SETDB2: variants seen among roughly 807,000 people sequenced by gnomAD.
SETDB2 encodes SET domain bifurcated histone lysine methyltransferase 2.
Under a neutral mutation model 82.5 loss-of-function variants are expected in SETDB2, and 56 were observed. That is an observed-to-expected ratio of 0.68 (90% confidence interval 0.55 to 0.85). SETDB2 has a LOEUF of 0.85. Among genes scored for constraint, SETDB2 ranks in the 40% least tolerant of loss-of-function variants. SETDB2 has a pLI of 0.00. For missense variants in SETDB2, 677 were observed against 816.4 expected (o/e 0.83, Z 2.08); for synonymous variants, 272 against 284.9 (o/e 0.95, Z 0.46).
intron 5 of SETDB2, among the ~76,000 whole-genome samples, chr13:49,473,685 A>G (rs1958295961): frequency 6.6e-6 from 1 of 152,180 alleles, no homozygotes; most frequent in Non-Finnish European, 1.5e-5. Flanking sequence ...ACAGTTTACT[A>G]TCTCTATAAA....
intron 5 of SETDB2, among the ~76,000 whole-genome samples, chr13:49,472,600 T>C (rs1958272859): frequency 6.6e-6 from 1 of 152,184 alleles, no homozygotes; most frequent in Admixed American, 6.5e-5. Flanking sequence ...GTAATGTATC[T>C]TCACACCTAA....
chr13:49,459,833 T>G, intron 2 of SETDB2: 1 of 285,970 alleles, frequency 3.5e-6, no homozygotes, highest in Non-Finnish European at 6.5e-6. Flanking sequence ...CACTCTCCAG[T>G]GAAGTCTTCC....
rs541793002 is a variant in SETDB2 at position 49,447,485 on chromosome 13, G to T, written c.-342+2628G>T. On this transcript the variant is annotated intron_variant, in intron 1 of 13. Transcript: ENST00000611815. ...AAAATTCTCCGAATGTTTCATCATT[G>T]AGTATGATGTTTGCTGTCATTGAGT... is the stretch of plus-strand genomic sequence containing the variant. Among the ~76,000 whole-genome samples, 17 of 152,188 alleles carry T rather than the reference G, an allele frequency of 1.1e-4. No individual in the cohort carries two copies. In the South Asian group the frequency reaches 3.5e-3, roughly 32 times the overall value.
At chr13:49,486,026 G>A (rs1018283239) in intron 11 of SETDB2, among the ~76,000 whole-genome samples, 2 of 151,460 alleles carry the variant, frequency 1.3e-5, no homozygotes, top group South Asian at 4.1e-4. Context: ...TTAGTGTCCA[G>A]AAATAAAGTT....
chr13:49,487,629 A>G (rs546361100), intron 11 of SETDB2, among the ~76,000 whole-genome samples: 25 of 152,346 alleles, frequency 1.6e-4, no homozygotes, highest in Non-Finnish European at 2.6e-4. Flanking sequence ...GGCATGAGCC[A>G]CCATGCCCAG....
intron 11 of SETDB2, among the ~76,000 whole-genome samples, chr13:49,487,133 T>G (rs1958612945): frequency 6.6e-6 from 1 of 152,168 alleles, no homozygotes; most frequent in Admixed American, 6.6e-5. Flanking sequence ...AAAGTTGTAT[T>G]ATGGCTTACA....
chr13:49,484,429 C>G (rs1409873802), intron 10 of SETDB2, among the ~76,000 whole-genome samples: 1 of 152,104 alleles, frequency 6.6e-6, no homozygotes, highest in Non-Finnish European at 1.5e-5. Flanking sequence ...GCCACCATGC[C>G]CAGCTACTTT....
rs1344465436 is a variant in SETDB2 at position 49,494,102 on chromosome 13, C to T, written c.*2253C>T. ...TTCAGCTCTGTCTTCTTGCTAGGAC[C>T]TTTTCCTAGGAGCATTTCTCAATTT... On this transcript the variant is annotated 3_prime_UTR_variant, in exon 14 of 14. Transcript: ENST00000611815. 2.6e-5 allele frequency: 4 copies of T among 152,142 alleles called. No homozygotes were observed. The highest frequency in any genetic ancestry group is 5.9e-5 in the Non-Finnish European group (4 of 68,024). The allele number at this position is 152,142 out of a possible 1,614,324, so 9.4% of individuals were successfully genotyped here.
At chr13:49,465,991 C>G (rs1244364688) in intron 4 of SETDB2, among the ~76,000 whole-genome samples, 1 of 152,172 alleles carries the variant, frequency 6.6e-6, no homozygotes, top group African/African-American at 2.4e-5. Context: ...AACAGGATTA[C>G]AGCATTTTTG....
At chr13:49,489,585 T>A (rs1294785664) in intron 12 of SETDB2, among the ~76,000 whole-genome samples, 5 of 137,606 alleles carry the variant, frequency 3.6e-5, no homozygotes, top group African/African-American at 1.4e-4. Context: ...CTGTAGGTCA[T>A]CATATTTATT....
chr13:49,486,210 T>C (rs537188037), intron 11 of SETDB2, among the ~76,000 whole-genome samples: 20 of 151,054 alleles, frequency 1.3e-4, no homozygotes, highest in African/African-American at 4.9e-4. Flanking sequence ...GGGGCTGAGG[T>C]GGGAGGATTG....
intron 1 of SETDB2, among the ~76,000 whole-genome samples, chr13:49,448,310 A>G (rs1957729860): frequency 6.6e-6 from 1 of 152,174 alleles, no homozygotes; most frequent in African/African-American, 2.4e-5. Flanking sequence ...AAATCTCTTC[A>G]GTAGCTAGAG....
intron 2 of SETDB2, among the ~76,000 whole-genome samples, chr13:49,453,526 G>A (rs984380359): frequency 6.6e-6 from 1 of 152,048 alleles, no homozygotes; most frequent in Non-Finnish European, 1.5e-5. Context: ...TCGAACTCCT[G>A]ACCTCAAGTG....
Position 49,488,312 on chromosome 13 carries a change from T to A in SETDB2, c.1599T>A (p.Val533=). The A allele has an allele frequency of 6.3e-7, 1 of 1,592,194 alleles. No individual in the cohort carries two copies. Among genetic ancestry groups the A allele is most frequent in the Non-Finnish European group, 8.5e-7 (1 of 1,173,904 alleles). The change falls in exon 12 of 14, where the codon GTT becomes GTA. Residue 533 remains valine, a synonymous_variant. Coordinates refer to ENST00000611815, the MANE Select transcript of SETDB2 (RefSeq NM_001160308.3). Reference sequence around the variant, plus strand: ...TAGAGGACTCAAGTTCAAACCATGTTGATGAGTTTGAAGATAATCTGCTGA... The same window carrying A: ...TAGAGGACTCAAGTTCAAACCATGTAGATGAGTTTGAAGATAATCTGCTGA... The part of the protein sequence containing the change: ...GAQKDSSSNH[V]DEFEDNLLIE...
chr13:49,445,546 T>A (rs1411553844), intron 1 of SETDB2: 2 of 152,168 alleles, frequency 1.3e-5, no homozygotes, highest in African/African-American at 4.8e-5. Flanking sequence ...TTTATTGTAT[T>A]TTGCAGATTT....
intron 1 of SETDB2, among the ~76,000 whole-genome samples, chr13:49,446,621 T>C (rs1957695738): frequency 6.6e-6 from 1 of 152,246 alleles, no homozygotes; most frequent in Non-Finnish European, 1.5e-5. Flanking sequence ...TATAGCTCAT[T>C]ATGTTATTTA....
chr13:49,488,575 G>A lies in SETDB2; in HGVS notation c.1862G>A (p.Gly621Glu). ...GATTCTCTAACAAAGTTCAATAAAGGGAATGTGTTTTTATTGGATGCCACA... is the reference window on the plus strand; with the variant it reads ...GATTCTCTAACAAAGTTCAATAAAGAGAATGTGTTTTTATTGGATGCCACA... ...SSDSLTKFNKGNVFLLDATKE... is the reference protein window; with the variant it reads ...SSDSLTKFNKENVFLLDATKE... Residue 621 changes from glycine to glutamate, a missense_variant, in exon 12 of 14, where the codon GGG becomes GAG. Gly to Glu is a moderately conservative substitution (Grantham distance 98, BLOSUM62 -2). This residue lies in a region of SETDB2 where 420 missense variants were observed against 554.6 expected (regional missense o/e 0.76). Coordinates refer to ENST00000611815, the MANE Select transcript of SETDB2 (RefSeq NM_001160308.3). The A allele has an allele frequency of 6.2e-7, 1 of 1,610,852 alleles. No individual in the cohort carries two copies. The highest frequency in any genetic ancestry group is 1.1e-5 in the South Asian group (1 of 90,114).
chr13:49,469,993 T>C (rs1358631234), intron 5 of SETDB2, among the ~76,000 whole-genome samples: 1 of 152,210 alleles, frequency 6.6e-6, no homozygotes, highest in Non-Finnish European at 1.5e-5. Flanking sequence ...TTGTTGTTGT[T>C]ATTTTATTAG....
intron 2 of SETDB2, among the ~76,000 whole-genome samples, chr13:49,456,439 A>G (rs923742061): frequency 3.3e-5 from 5 of 152,150 alleles, no homozygotes; most frequent in African/African-American, 9.7e-5. Flanking sequence ...TAGTCTTGCA[A>G]TGAATAGTCA....
Sources: allele counts gnomAD v4.1 joint callset (sites outside exome capture counted in the v4.1 genomes callset), GRCh38; gene constraint gnomAD v4.1.1; regional missense constraint gnomAD v4.1.1; transcripts MANE v1.5; gene names NCBI Gene and HGNC (gene_info 2026-07-23, HGNC 2026-07-21).